ZNF76: variants seen among roughly 807,000 people sequenced by gnomAD.
ZNF76 encodes the protein zinc finger protein 523.
Under a neutral mutation model 66.9 loss-of-function variants are expected in ZNF76, and 66 were observed. The ratio of observed to expected loss-of-function variants is 0.99; its 90% CI spans 0.81 to 1.21. The LOEUF is 1.21. Ranked by LOEUF, ZNF76 falls within the 50% of genes most tolerant of loss-of-function variation. The pLI, the probability that ZNF76 is intolerant of heterozygous loss-of-function variation, is 0.00. For missense variants in ZNF76, 729 were observed against 760.3 expected, an observed-to-expected ratio of 0.96 and a Z score of 0.48; for synonymous variants, 275 against 296.1, an observed-to-expected ratio of 0.93 and a Z score of 0.73.
intron 1 of ZNF76, 29 bp from the exon 2 acceptor site, chr6:35,281,027 T>G: frequency 1.1e-6 from 1 of 935,452 alleles, no homozygotes; most frequent in South Asian, 1.3e-5. Context: ...GCTGGTTAAC[T>G]CATAATGTGA....
At chr6:35,277,131 G>A (rs1788033853) in intron 1 of ZNF76, among the ~76,000 whole-genome samples, 1 of 152,008 alleles carries the variant, frequency 6.6e-6, no homozygotes, top group Non-Finnish European at 1.5e-5. Context: ...TCTCTTATGT[G>A]TCTTCTGACA....
At chr6:35,290,505 A>T (rs1196263559) in intron 6 of ZNF76, 123 bp downstream of exon 6, 78 of 1,523,966 alleles carry the variant, frequency 5.1e-5, no homozygotes, top group Non-Finnish European at 7.0e-5. Flanking sequence ...AAATGAGGGT[A>T]CACAGGAATG....
intron 1 of ZNF76, 22 bp downstream of exon 1, chr6:35,259,863 G>C (rs1205737436): frequency 1.3e-5 from 2 of 152,390 alleles, no homozygotes; most frequent in African/African-American, 4.8e-5. Flanking sequence ...CGGGAGGAGT[G>C]GGCCAACCAT....
chr6:35,269,280 C>CCA (rs1786638801), intron 1 of ZNF76, among the ~76,000 whole-genome samples: 1 of 82,244 alleles, frequency 1.2e-5, no homozygotes, highest in Non-Finnish European at 2.3e-5. Flanking sequence ...GACTCTGTCT[C>CCA]AAAAAAAAAA....
At chr6:35,260,215 T>G (rs1785016664) in intron 1 of ZNF76, among the ~76,000 whole-genome samples, 1 of 152,090 alleles carries the variant, frequency 6.6e-6, no homozygotes. Context: ...TCCCTCAGTT[T>G]TAATCCGGTG....
In ZNF76 at chr6:35,290,361, C is replaced by T. The variant is rs115414373; in HGVS notation, c.528C>T (p.Tyr176=). The change falls in exon 6 of 14, where the codon TAC becomes TAT. Residue 176 remains tyrosine (Y), a synonymous_variant. Coordinates refer to ENST00000373953, the MANE Select transcript of ZNF76 (RefSeq NM_003427.5). ...GCTACAAGGGCTGTGGGCGTCTCTACACCACCGCTCATCACTTAAAGGTAA... is the reference window on the plus strand; with the variant it reads ...GCTACAAGGGCTGTGGGCGTCTCTATACCACCGCTCATCACTTAAAGGTAA... ...RCGYKGCGRL[Y]TTAHHLKVHE... 571 of 1,614,204 alleles carry T rather than the reference C, an allele frequency of 3.5e-4. No homozygotes were observed. The African/African-American group carries it at 6.2e-3, about 18-fold the overall frequency.
At position 35,294,523 on chromosome 6, in the gene ZNF76, A is replaced by C; in HGVS notation, c.1562A>C (p.Gln521Pro). 6.2e-7 allele frequency: 1 copy of C among 1,614,150 alleles called. No homozygotes were observed. The highest frequency in any genetic ancestry group is 8.5e-7 in the Non-Finnish European group (1 of 1,180,010). The change falls in exon 13 of 14, where the codon CAG (glutamine) becomes CCG (proline). Residue 521 changes from glutamine (Q) to proline (P), a missense_variant. Gln to Pro is a moderately conservative substitution (Grantham distance 76). Coordinates refer to ENST00000373953, the MANE Select transcript of ZNF76 (RefSeq NM_003427.5). ...AGTGTAGCATCTCTTCGTCATCAAC[A>C]GGTGGCACTGTTGGCCACAGCCAAC... ...DSSVASLRHQ[Q>P]VALLATANGT...
rs1019525752 is a variant in ZNF76, at chr6:35,295,500, G to A, written c.*252G>A. Reference sequence around the variant, plus strand: ...ACAGCCAGGCTACACCAGGGCACCCGCCTCTCAAAATCAGCTGGGCGCCCA... The same window carrying A: ...ACAGCCAGGCTACACCAGGGCACCCACCTCTCAAAATCAGCTGGGCGCCCA... On this transcript the variant is annotated 3_prime_UTR_variant, in exon 14 of 14. Transcript: ENST00000373953. The A allele has an allele frequency of 1.0e-5, 5 of 501,580 alleles. No homozygotes were observed. Among genetic ancestry groups the A allele is most frequent in the African/African-American group, 3.9e-5 (2 of 51,612 alleles). 31.1% of individuals were successfully genotyped at this position (501,580 alleles called of 1,614,324 possible). A position where few individuals can be genotyped will look rare whatever the true frequency, so the allele number is the denominator to read the frequency against.
intron 8 of ZNF76, 27 bp downstream of exon 8, chr6:35,291,430 C>G (rs760489148): frequency 6.2e-7 from 1 of 1,614,022 alleles, no homozygotes; most frequent in Non-Finnish European, 8.5e-7. Flanking sequence ...CCACTCCAAC[C>G]CCATTCCCTG....
chr6:35,266,170 T>C (rs1196511831), intron 1 of ZNF76, among the ~76,000 whole-genome samples: 1 of 151,708 alleles, frequency 6.6e-6, no homozygotes, highest in African/African-American at 2.4e-5. Flanking sequence ...TTTTTTTTTT[T>C]TTCAAGACAT....
chr6:35,280,293 C>T (rs142127911), intron 1 of ZNF76, among the ~76,000 whole-genome samples: 296 of 152,104 alleles, frequency 1.9e-3, no homozygotes, highest in African/African-American at 6.6e-3. Flanking sequence ...CCCAGGAGTT[C>T]GAGGTTACAG....
intron 7 of ZNF76, 24 bp from the exon 8 acceptor site, chr6:35,291,254 C>T (rs1204148323): frequency 6.3e-7 from 1 of 1,589,860 alleles, no homozygotes; most frequent in African/African-American, 1.3e-5. Flanking sequence ...CTCATCTCAC[C>T]CCCTGCCTGC....
At chr6:35,294,240 T>C in intron 12 of ZNF76, 3 of 589,982 alleles carry the variant, frequency 5.1e-6, no homozygotes, top group Non-Finnish European at 6.0e-6. Flanking sequence ...TCTGTCCTTC[T>C]GTGATTCAAA....
chr6:35,267,016 G>A (rs181979550), intron 1 of ZNF76, among the ~76,000 whole-genome samples: 4 of 151,784 alleles, frequency 2.6e-5, no homozygotes, highest in Non-Finnish European at 5.9e-5. Context: ...AACCAGGATG[G>A]TCTCTATCTC....
rs181996820 is a variant in ZNF76 at position 35,286,707 on chromosome 6, A to G, written c.232+308A>G. On this transcript the variant is annotated intron_variant, in intron 4 of 13. Coordinates refer to ENST00000373953, the MANE Select transcript of ZNF76 (RefSeq NM_003427.5). ...TAAATAGGACCCGAGGATATCATCC[A>G]AGACCAGGAAAAAAAACTAATATTT... 136 of 455,730 alleles carry G rather than the reference A, an allele frequency of 3.0e-4. 6 individuals carry two copies. In the Admixed American group the frequency reaches 3.5e-3, roughly 12 times the overall value. 28.2% of individuals were successfully genotyped at this position (455,730 alleles called of 1,614,324 possible). A position where few individuals can be genotyped will look rare whatever the true frequency, so the allele number is the denominator to read the frequency against.
chr6:35,259,698 G>A (rs555582295), upstream of ZNF76: 169 of 152,450 alleles, frequency 1.1e-3, 1 homozygote, highest in Non-Finnish European at 1.8e-3. Flanking sequence ...AGGAAAGTGC[G>A]GCGGCCCTGG....
At chr6:35,293,939 G>A (rs1790810687) in intron 12 of ZNF76, 24 bp downstream of exon 12, 1 of 1,610,678 alleles carries the variant, frequency 6.2e-7, no homozygotes, top group African/African-American at 1.3e-5. Flanking sequence ...GTTTGCTTGG[G>A]GTTTCTTATT....
rs1233056156 is a variant in ZNF76 at position 35,292,751 on chromosome 6, A to T, written c.1129A>T (p.Ser377Cys). ...AHGELEATEE[S>C]EQALYEQQQL... ...CGGCGAGCTGGAGGCCACGGAGGAG[A>T]GCGAGCAGGCCCTCTATGAGCAGCA... Residue 377 changes from serine to cysteine, a missense_variant, in exon 10 of 14, where the codon AGC becomes TGC. Transcript: ENST00000373953. This position sits in a 1 kb window ranked among gnomAD's most constrained non-coding sequence, Gnocchi z 4.7. 1.2e-6 allele frequency: 2 copies of T among 1,613,900 alleles called. No individual in the cohort carries two copies. The highest frequency in any genetic ancestry group is 1.7e-5 in the Admixed American group (1 of 59,992).
At position 35,287,868 on chromosome 6, in the gene ZNF76, G is replaced by A. The variant is rs1005982152; in HGVS notation, c.432+23G>A. 6.4e-6 allele frequency: 10 copies of A among 1,562,406 alleles called. No homozygotes were observed. The highest frequency in any genetic ancestry group is 7.8e-6 in the Non-Finnish European group (9 of 1,153,666). ...AAGGTGAGCACGCACAGCGTGACAC[G>A]GTCTGTCACTCTAGACAACCGGGCC... On this transcript the variant is annotated intron_variant, in intron 5 of 13. Transcript: ENST00000373953. The surrounding 1 kb of genome is among the most constrained non-coding windows in gnomAD (Gnocchi z 4.0).
Sources: allele counts gnomAD v4.1 joint callset (sites outside exome capture counted in the v4.1 genomes callset), GRCh38; gene constraint gnomAD v4.1.1; non-coding constraint Gnocchi (gnomAD v3.1); transcripts MANE v1.5; gene names NCBI Gene and HGNC (gene_info 2026-07-23, HGNC 2026-07-21).